The following NKAIN2 variants were observed in gnomAD, a reference collection of about 807,000 sequenced individuals.
NKAIN2 encodes the protein sodium/potassium transporting ATPase interacting 2.
A neutral mutation model predicts 32.6 loss-of-function variants in NKAIN2; 14 were observed. That is an observed-to-expected ratio of 0.43 (90% CI 0.28 to 0.67). NKAIN2 has a LOEUF of 0.67. NKAIN2 is among the 30% of genes least tolerant of loss of function. The pLI, the probability that NKAIN2 is intolerant of heterozygous loss-of-function variation, is 0.17. For synonymous variants in NKAIN2, 80 were observed against 87.2 expected, an observed-to-expected ratio of 0.92 and a Z score of 0.46; for missense variants, 198 against 258.3, an observed-to-expected ratio of 0.77 and a Z score of 1.60.
intron 3 of NKAIN2, among the ~76,000 whole-genome samples, chr6:124,607,671 CAT>C (rs550641931): frequency 1.1e-4 from 16 of 152,014 alleles, no homozygotes; most frequent in South Asian, 8.3e-4. Flanking sequence ...CACACACAAA[CAT>C]ATATATATGT....
intron 2 of NKAIN2, among the ~76,000 whole-genome samples, chr6:124,330,770 A>G (rs1049244430): frequency 7.2e-5 from 11 of 152,182 alleles, no homozygotes; most frequent in African/African-American, 2.7e-4. Flanking sequence ...CCACACAGCA[A>G]CAGGTGAACG....
chr6:124,506,523 A>G (rs542589035), intron 3 of NKAIN2, among the ~76,000 whole-genome samples: 2 of 152,198 alleles, frequency 1.3e-5, no homozygotes, highest in Admixed American at 6.5e-5. Flanking sequence ...TGAGGTTTTC[A>G]TACCTTCCTC....
At position 124,754,386 on chromosome 6, in the gene NKAIN2, G is replaced by A. The variant is rs144355560; in HGVS notation, c.475-36953G>A. 6.0e-3 allele frequency among the ~76,000 whole-genome samples: 906 copies of A among 152,010 alleles called. 12 individuals carry two copies. The highest frequency in any genetic ancestry group is 0.021 in the African/African-American group (856 of 41,466). The stretch of plus-strand genomic sequence containing the variant: ...ATTGAGAATCTTCTATCTGCTGGTC[G>A]TTGAGTAAATGCTGGGGTTAACATG... On this transcript the variant is annotated intron_variant, in intron 4 of 6. Transcript: ENST00000368417.
At chr6:124,711,808 T>A (rs1322012830) in intron 4 of NKAIN2, among the ~76,000 whole-genome samples, 1 of 152,210 alleles carries the variant, frequency 6.6e-6, no homozygotes, top group Non-Finnish European at 1.5e-5. Flanking sequence ...TGAAGCCTTC[T>A]TCTCTCAGCT....
chr6:124,300,229 T>C (rs1363289347), intron 2 of NKAIN2, among the ~76,000 whole-genome samples: 1 of 152,150 alleles, frequency 6.6e-6, no homozygotes, highest in African/African-American at 2.4e-5. Flanking sequence ...CCCTATACTG[T>C]CCTCATAGTA....
chr6:124,017,442 A>G (rs115386377), intron 1 of NKAIN2, among the ~76,000 whole-genome samples: 44 of 152,220 alleles, frequency 2.9e-4, no homozygotes, highest in African/African-American at 1.0e-3. Context: ...AACTCATTTC[A>G]CATTAACTCT....
chr6:124,549,546 C>T (rs530268268), intron 3 of NKAIN2, among the ~76,000 whole-genome samples: 14 of 152,162 alleles, frequency 9.2e-5, no homozygotes, highest in Non-Finnish European at 1.8e-4. Flanking sequence ...CTTTGTACAA[C>T]ACTATTAAAT....
chr6:123,936,712 G>T (rs1306285149), intron 1 of NKAIN2, among the ~76,000 whole-genome samples: 1 of 152,114 alleles, frequency 6.6e-6, no homozygotes, highest in Non-Finnish European at 1.5e-5. Flanking sequence ...TTATGCTGAA[G>T]TGTTGTTATT....
chr6:124,666,951 C>T (rs897851237), intron 4 of NKAIN2, among the ~76,000 whole-genome samples: 1 of 152,018 alleles, frequency 6.6e-6, no homozygotes, highest in Middle Eastern at 3.2e-3. Context: ...TTCTCTTTAG[C>T]TCAGTTTCTT....
intron 3 of NKAIN2, among the ~76,000 whole-genome samples, chr6:124,520,052 C>T (rs757915930): frequency 2.0e-5 from 3 of 152,112 alleles, no homozygotes; most frequent in Admixed American, 6.5e-5. Context: ...AGTATCAAGG[C>T]ACAGATGCAA....
At chr6:124,426,405 A>C (rs944639799) in intron 3 of NKAIN2, among the ~76,000 whole-genome samples, 1 of 152,208 alleles carries the variant, frequency 6.6e-6, no homozygotes, top group African/African-American at 2.4e-5. Flanking sequence ...AATCCACAGG[A>C]TAGGAGAAAA....
chr6:124,110,917 C>T (rs1401448659), intron 1 of NKAIN2, among the ~76,000 whole-genome samples: 3 of 151,718 alleles, frequency 2.0e-5, no homozygotes, highest in Non-Finnish European at 4.4e-5. Context: ...TATCCAGTTC[C>T]CTCATTTTCT....
At chr6:124,248,405 T>A (rs528554627) in intron 1 of NKAIN2, among the ~76,000 whole-genome samples, 2 of 151,832 alleles carry the variant, frequency 1.3e-5, no homozygotes, top group African/African-American at 4.8e-5. Flanking sequence ...ATGTCTTCCT[T>A]CCCCCCCACC....
At chr6:124,364,633 G>A (rs1799441346) in intron 3 of NKAIN2, among the ~76,000 whole-genome samples, 1 of 151,862 alleles carries the variant, frequency 6.6e-6, no homozygotes, top group Non-Finnish European at 1.5e-5. Flanking sequence ...TCTTTACCCT[G>A]CAAAAATATT....
intron 3 of NKAIN2, among the ~76,000 whole-genome samples, chr6:124,456,323 A>C (rs1562196311): frequency 6.6e-6 from 1 of 151,440 alleles, no homozygotes; most frequent in East Asian, 1.9e-4. Flanking sequence ...TAAAAAAAAA[A>C]CGACATACCT....
intron 4 of NKAIN2, among the ~76,000 whole-genome samples, chr6:124,705,552 G>C (rs1426692512): frequency 6.6e-6 from 1 of 152,042 alleles, no homozygotes; most frequent in Non-Finnish European, 1.5e-5. Flanking sequence ...TTGCATCCCA[G>C]GGTATTTAAA....
At position 124,710,347 on chromosome 6, in the gene NKAIN2, T is replaced by C. The variant is rs1209920049; in HGVS notation, c.474+51961T>C. 6.8e-3 allele frequency among the ~76,000 whole-genome samples: 1,036 copies of C among 151,256 alleles called. 6 individuals carry two copies. Among genetic ancestry groups the C allele is most frequent in the African/African-American group, 0.024 (990 of 40,646 alleles). On this transcript the variant is annotated intron_variant, in intron 4 of 6. Transcript: ENST00000368417. ...GAGTTCTGTAGATGTCTATTAGGTC[T>C]TCTTGGTGCAGAGCTGAGTTCAATT...
chr6:123,924,527 A>C (rs930059157), intron 1 of NKAIN2, among the ~76,000 whole-genome samples: 1 of 152,200 alleles, frequency 6.6e-6, no homozygotes, highest in Non-Finnish European at 1.5e-5. Flanking sequence ...TTTATAAGCT[A>C]TTCTGTGGAA....
intron 1 of NKAIN2, among the ~76,000 whole-genome samples, chr6:124,077,301 T>C (rs536143052): frequency 1.2e-3 from 184 of 152,356 alleles, no homozygotes; most frequent in Middle Eastern, 3.4e-3. Context: ...ATTCTAATTT[T>C]CATACATGTA....
Sources: gnomAD v4.1 joint callset for allele counts (sites outside exome capture counted in the v4.1 genomes callset) on GRCh38, gnomAD v4.1.1 for gene constraint, MANE v1.5 for transcripts, NCBI Gene and HGNC (gene_info 2026-07-23, HGNC 2026-07-21) for gene names.